The following SCAI variants were observed in gnomAD, a reference collection of about 807,000 sequenced individuals.
SCAI encodes the protein suppressor of cancer cell invasion.
Under a neutral mutation model 92.2 loss-of-function variants are expected in SCAI, and 24 were observed. The observed-to-expected ratio is 0.26, with a 90% CI of 0.19 to 0.37. The LOEUF is 0.37. Among genes scored for constraint, SCAI ranks in the 10% least tolerant of loss-of-function variants. The pLI is 1.00. For missense variants in SCAI, 450 were observed against 736.2 expected (o/e 0.61, Z 4.50); for synonymous variants, 261 against 258.6 (o/e 1.01, Z -0.09).
chr9:124,994,035 A>ATTT (rs34546893), intron 14 of SCAI, among the ~76,000 whole-genome samples: 3 of 139,086 alleles, frequency 2.2e-5, no homozygotes, highest in African/African-American at 5.3e-5. Flanking sequence ...CACTGCTGGC[A>ATTT]TTTTTTTTTT....
At chr9:124,990,571 G>A (rs1832098805) in intron 14 of SCAI, among the ~76,000 whole-genome samples, 1 of 152,088 alleles carries the variant, frequency 6.6e-6, no homozygotes, top group Non-Finnish European at 1.5e-5. Context: ...AATGTGAGTT[G>A]GGGACAGAAA....
At chr9:125,113,918 C>T (rs1173777712) in intron 2 of SCAI, among the ~76,000 whole-genome samples, 2 of 152,216 alleles carry the variant, frequency 1.3e-5, no homozygotes, top group East Asian at 1.9e-4. Flanking sequence ...GCCGAGATCA[C>T]GCCATTGCAC....
At chr9:125,102,787 G>A (rs1371409750) in intron 2 of SCAI, among the ~76,000 whole-genome samples, 6 of 152,014 alleles carry the variant, frequency 3.9e-5, no homozygotes, top group Non-Finnish European at 7.4e-5. Flanking sequence ...CAGTAGAGGC[G>A]GGGTTTCGCC....
At chr9:124,953,012 C>T in intron 17 of SCAI, 59 bp from the exon 18 acceptor site, 2 of 1,356,914 alleles carry the variant, frequency 1.5e-6, no homozygotes, top group South Asian at 1.2e-5. Context: ...AAATTATACA[C>T]ATTGATAACA....
chr9:125,030,844 T>A (rs893425066), intron 3 of SCAI, among the ~76,000 whole-genome samples: 6 of 152,132 alleles, frequency 3.9e-5, no homozygotes, highest in African/African-American at 1.4e-4. Context: ...CAGAAAAGAA[T>A]TAGCTGCAAG....
chr9:125,102,258 A>C (rs1834693471), intron 2 of SCAI, among the ~76,000 whole-genome samples: 1 of 152,194 alleles, frequency 6.6e-6, no homozygotes, highest in Non-Finnish European at 1.5e-5. Context: ...CTTTTTCCCA[A>C]GTCTACTTTT....
At position 124,952,955 on chromosome 9, in the gene SCAI, T is replaced by C; in HGVS notation, c.1675-2A>G. The C allele has an allele frequency of 6.2e-7, 1 of 1,612,844 alleles. No individual in the cohort carries two copies. Among genetic ancestry groups the C allele is most frequent in the Non-Finnish European group, 8.5e-7 (1 of 1,179,588 alleles). On this transcript the variant is annotated splice_acceptor_variant, in intron 17 of 17. Transcript: ENST00000336505. LOFTEE classifies it high-confidence loss of function. ...TGATTCTGGATAATTTCGTGTTTCC[T>C]GGTAGGCAAAGAAGAGAAAAGTCAA... is the stretch of plus-strand genomic sequence containing the variant.
intron 2 of SCAI, among the ~76,000 whole-genome samples, chr9:125,114,267 C>T (rs1646818221): frequency 6.6e-6 from 1 of 151,972 alleles, no homozygotes; most frequent in African/African-American, 2.4e-5. Flanking sequence ...AAAATAAATG[C>T]TATGTGAAAA....
intron 2 of SCAI, among the ~76,000 whole-genome samples, chr9:125,060,937 T>G (rs1450416264): frequency 6.6e-6 from 1 of 152,220 alleles, no homozygotes; most frequent in Non-Finnish European, 1.5e-5. Context: ...CCATCCTTCC[T>G]TGTAGCTGCT....
chr9:125,061,238 AATG>A (rs1232889071), intron 2 of SCAI, among the ~76,000 whole-genome samples: 3 of 152,302 alleles, frequency 2.0e-5, no homozygotes, highest in Admixed American at 6.5e-5. Flanking sequence ...CGGAGCTTGT[AATG>A]AGCAGAGATC....
At chr9:124,975,525 T>A in intron 15 of SCAI, 2 of 261,766 alleles carry the variant, frequency 7.6e-6, no homozygotes, top group Non-Finnish European at 7.9e-6. Flanking sequence ...GACAAATTAT[T>A]AAGGACAAAA....
In SCAI at chr9:124,998,697, C is replaced by T. The variant is rs184298027; in HGVS notation, c.1244+1194G>A. 2.8e-3 allele frequency among the ~76,000 whole-genome samples: 429 copies of T among 152,292 alleles called. 1 individual carries two copies. Among genetic ancestry groups the T allele is most frequent in the Non-Finnish European group, 5.1e-3 (346 of 68,012 alleles). ...CAGACTGGAGCACAATCTCAGTTCACTGCAACCTCGACCTAATGGGTTCAA... is the reference window on the plus strand; with the variant it reads ...CAGACTGGAGCACAATCTCAGTTCATTGCAACCTCGACCTAATGGGTTCAA... On this transcript the variant is annotated intron_variant, in intron 13 of 17. Transcript: ENST00000336505.
In SCAI at chr9:125,143,458, G is replaced by T; in HGVS notation, c.-21C>A. The T allele has an allele frequency of 7.4e-7, 1 of 1,342,846 alleles. No individual in the cohort carries two copies. Among genetic ancestry groups the T allele is most frequent in the Non-Finnish European group, 9.6e-7 (1 of 1,046,290 alleles). 83.2% of individuals were successfully genotyped at this position (1,342,846 alleles called of 1,614,324 possible). ...ACCATCCGGCTCCTGCTCCGCCGCG[G>T]GAGCTGCTCCGGCGGCCGCAGGGCT... On this transcript the variant is annotated 5_prime_UTR_variant, in exon 1 of 18. Transcript: ENST00000336505.
chr9:125,084,733 C>T (rs1647194154), intron 2 of SCAI, among the ~76,000 whole-genome samples: 1 of 152,154 alleles, frequency 6.6e-6, no homozygotes, highest in Non-Finnish European at 1.5e-5. Flanking sequence ...GCTAATGGGC[C>T]TGTCAACTGA....
intron 2 of SCAI, among the ~76,000 whole-genome samples, chr9:125,057,572 A>G (rs954632961): frequency 1.3e-4 from 20 of 152,208 alleles, no homozygotes; most frequent in African/African-American, 4.8e-4. Context: ...CCAAGTGGGT[A>G]TCCACATCAC....
chr9:125,041,238 C>A (rs753348523), intron 3 of SCAI, among the ~76,000 whole-genome samples: 2 of 152,294 alleles, frequency 1.3e-5, no homozygotes, highest in Admixed American at 1.3e-4. Flanking sequence ...TAGTTTCCCA[C>A]ATTTATTGTA....
At chr9:125,135,788 G>A (rs929448492) in intron 2 of SCAI, among the ~76,000 whole-genome samples, 1 of 152,042 alleles carries the variant, frequency 6.6e-6, no homozygotes, top group African/African-American at 2.4e-5. Flanking sequence ...TAACGAACAT[G>A]GAGAAACCCC....
intron 3 of SCAI, among the ~76,000 whole-genome samples, chr9:125,032,195 A>ATATATATATATAT (rs1177865840): frequency 8.0e-5 from 8 of 99,474 alleles, no homozygotes; most frequent in Non-Finnish European, 1.4e-4. Context: ...ATATATATAT[A>ATATATATATATAT]TTTTTTTTTT....
At chr9:124,988,676 CAAA>C (rs1433264124) in intron 14 of SCAI, among the ~76,000 whole-genome samples, 2 of 151,774 alleles carry the variant, frequency 1.3e-5, no homozygotes, top group Non-Finnish European at 2.9e-5. Flanking sequence ...GACAGACAAA[CAAA>C]TAAAAGACAA....
Sources: gnomAD v4.1 joint callset for allele counts (sites outside exome capture counted in the v4.1 genomes callset) on GRCh38, gnomAD v4.1.1 for gene constraint, MANE v1.5 for transcripts, NCBI Gene and HGNC (gene_info 2026-07-23, HGNC 2026-07-21) for gene names.